The following CRISPLD2 variants were observed in gnomAD, a reference collection of about 807,000 sequenced individuals.
CRISPLD2 encodes the protein cysteine rich secretory protein LCCL domain containing 2.
CRISPLD2 carries 47 observed loss-of-function variants against 71.1 expected under a neutral mutation model. The observed-to-expected ratio is 0.66, with a 90% CI of 0.52 to 0.84. The LOEUF (loss-of-function observed/expected upper bound fraction) is 0.84, where lower values mean the gene tolerates loss of function less well. Among genes scored for constraint, CRISPLD2 ranks in the 40% least tolerant of loss-of-function variants. The pLI, the probability that CRISPLD2 is intolerant of heterozygous loss-of-function variation, is 0.00. For missense variants in CRISPLD2, 830 were observed against 651.1 expected, an observed-to-expected ratio of 1.27 and a Z score of -2.99; for synonymous variants, 317 against 250.1, an observed-to-expected ratio of 1.27 and a Z score of -2.52.
At chr16:84,887,206 G>C (rs1462912687) in intron 13 of CRISPLD2, among the ~76,000 whole-genome samples, 12 of 152,142 alleles carry the variant, frequency 7.9e-5, no homozygotes, top group Non-Finnish European at 1.8e-4. Flanking sequence ...GCCCAGCCCC[G>C]CCCTCCTGCT....
At chr16:84,887,675 G>A (rs1428821252) in intron 13 of CRISPLD2, among the ~76,000 whole-genome samples, 13 of 152,030 alleles carry the variant, frequency 8.6e-5, no homozygotes, top group Admixed American at 6.5e-4. Context: ...TCAGGAGTTC[G>A]ACACCAGCCT....
chr16:84,845,230 G>A (rs548592015), intron 2 of CRISPLD2, among the ~76,000 whole-genome samples: 92 of 152,308 alleles, frequency 6.0e-4, no homozygotes, highest in African/African-American at 2.1e-3. Context: ...GGAGATAAGG[G>A]CCCGCTTCGG....
chr16:84,873,625 TTTC>T (rs1176142990), intron 10 of CRISPLD2: 1 of 330,468 alleles, frequency 3.0e-6, no homozygotes, highest in Non-Finnish European at 5.4e-6. Context: ...CTTCTTAAAA[TTTC>T]TTTATTTTGC....
At chr16:84,902,268 C>A (rs1372972411) in intron 14 of CRISPLD2, among the ~76,000 whole-genome samples, 1 of 152,028 alleles carries the variant, frequency 6.6e-6, no homozygotes, top group Non-Finnish European at 1.5e-5. Context: ...ACGAACTGAG[C>A]AGCGAGGGGA....
intron 14 of CRISPLD2, among the ~76,000 whole-genome samples, chr16:84,893,648 A>C (rs984513295): frequency 6.6e-6 from 1 of 152,202 alleles, no homozygotes; most frequent in Non-Finnish European, 1.5e-5. Context: ...GTGGAGGGAC[A>C]GTTCAGGGAG....
In CRISPLD2 at chr16:84,877,429, T is replaced by A; in HGVS notation, c.1157-9T>A. 2 of 1,613,486 alleles carry A rather than the reference T, an allele frequency of 1.2e-6. No homozygotes were observed. Among genetic ancestry groups the A allele is most frequent in the Non-Finnish European group, 1.7e-6 (2 of 1,179,560 alleles). ...GACCTGACCCTTTCCCCCTTGCTCC[T>A]GTTCACAGTGCAGGATTTGGACTGC... On this transcript the variant is annotated splice_polypyrimidine_tract_variant and intron_variant, in intron 11 of 14. Coordinates refer to ENST00000262424, the MANE Select transcript of CRISPLD2 (RefSeq NM_031476.4).
chr16:84,893,890 G>A (rs938373542), intron 14 of CRISPLD2, among the ~76,000 whole-genome samples: 5 of 152,184 alleles, frequency 3.3e-5, no homozygotes, highest in East Asian at 1.9e-4. Context: ...TGTCCCTGAC[G>A]GCTGGTAAGC....
At chr16:84,843,055 C>T (rs58386396) in intron 2 of CRISPLD2, among the ~76,000 whole-genome samples, 4,564 of 152,218 alleles carry the variant, frequency 0.03, 222 homozygotes, top group African/African-American at 0.1. Context: ...AAAGTCAGGC[C>T]GCCCGGGCAG....
At chr16:84,882,605 A>G (rs779203431) in intron 13 of CRISPLD2, among the ~76,000 whole-genome samples, 3 of 152,232 alleles carry the variant, frequency 2.0e-5, no homozygotes, top group East Asian at 1.9e-4. Context: ...GGGTTTCACC[A>G]TGTTGGCCAG....
intron 13 of CRISPLD2, among the ~76,000 whole-genome samples, chr16:84,885,820 T>A (rs953959816): frequency 7.1e-6 from 1 of 141,472 alleles, no homozygotes; most frequent in African/African-American, 2.7e-5. Context: ...TTCTTTTTTT[T>A]TTTTTTTTTT....
chr16:84,891,574 G>C (rs910955348), intron 14 of CRISPLD2, among the ~76,000 whole-genome samples: 9 of 152,226 alleles, frequency 5.9e-5, no homozygotes, highest in Non-Finnish European at 1.3e-4. Context: ...TTCCTGGCCG[G>C]GCTGGAAAGA....
intron 1 of CRISPLD2, among the ~76,000 whole-genome samples, chr16:84,820,808 C>G (rs1215234936): frequency 6.6e-6 from 1 of 152,140 alleles, no homozygotes; most frequent in East Asian, 1.9e-4. Context: ...GTTTCTTTAG[C>G]CAGAGCGGGC....
chr16:84,824,731 C>T (rs1916309040), intron 1 of CRISPLD2, among the ~76,000 whole-genome samples: 1 of 152,236 alleles, frequency 6.6e-6, no homozygotes, highest in African/African-American at 2.4e-5. Context: ...ATCAGGTTCT[C>T]TGCCAGTGGG....
chr16:84,830,709 A>T (rs1024556948), intron 1 of CRISPLD2, among the ~76,000 whole-genome samples: 3 of 125,356 alleles, frequency 2.4e-5, no homozygotes, highest in South Asian at 2.3e-4. Context: ...ACTCTGTCTT[A>T]AAAAAAAAAA....
chr16:84,898,036 C>T (rs148612747), intron 14 of CRISPLD2, among the ~76,000 whole-genome samples: 292 of 152,308 alleles, frequency 1.9e-3, no homozygotes, highest in African/African-American at 6.2e-3. Flanking sequence ...TGCACAGATT[C>T]GGAGGCATGG....
chr16:84,869,897 C>T (rs1250171021), intron 8 of CRISPLD2, among the ~76,000 whole-genome samples: 1 of 152,222 alleles, frequency 6.6e-6, no homozygotes, highest in Non-Finnish European at 1.5e-5. Flanking sequence ...GGAGAACATT[C>T]CTTGTCAGAC....
At chr16:84,820,916 G>C (rs912857113) in intron 1 of CRISPLD2, among the ~76,000 whole-genome samples, 1 of 152,222 alleles carries the variant, frequency 6.6e-6, no homozygotes, top group East Asian at 1.9e-4. Context: ...CAGAGCCAGG[G>C]CTAGTCCCTC....
chr16:84,876,864 G>A (rs1005101439), intron 11 of CRISPLD2, among the ~76,000 whole-genome samples: 5 of 152,246 alleles, frequency 3.3e-5, no homozygotes, highest in African/African-American at 1.2e-4. Flanking sequence ...GAGATCACAG[G>A]TGGCCAGTAT....
At chr16:84,905,075 G>C (rs895109321) in intron 14 of CRISPLD2, among the ~76,000 whole-genome samples, 1 of 151,986 alleles carries the variant, frequency 6.6e-6, no homozygotes, top group Non-Finnish European at 1.5e-5. Flanking sequence ...GGGCCCAGGA[G>C]TTTGAGACCA....
Sources: allele counts gnomAD v4.1 joint callset (sites outside exome capture counted in the v4.1 genomes callset), GRCh38; gene constraint gnomAD v4.1.1; transcripts MANE v1.5; gene names NCBI Gene and HGNC (gene_info 2026-07-23, HGNC 2026-07-21).